LRMDA: variants seen among roughly 807,000 people sequenced by gnomAD.
LRMDA encodes leucine-rich melanocyte differentiation-associated protein.
In LRMDA, 18 loss-of-function variants were observed where a neutral mutation model predicts 29.8. The ratio of observed to expected loss-of-function variants is 0.60; its 90% CI spans 0.42 to 0.90. The LOEUF is 0.90. LRMDA is among the 40% of genes least tolerant of loss of function. The pLI, the probability that LRMDA is intolerant of heterozygous loss-of-function variation, is 0.00. For synonymous variants in LRMDA, 125 were observed against 109.4 expected (o/e 1.14, Z -0.89); for missense variants, 273 against 273.9 (o/e 1.00, Z 0.02).
chr10:76,551,102 C>T (rs1185347429), intron 6 of LRMDA, among the ~76,000 whole-genome samples: 1 of 152,216 alleles, frequency 6.6e-6, no homozygotes, highest in Non-Finnish European at 1.5e-5. Flanking sequence ...ATGTCCCTTC[C>T]CACTGTATGA....
intron 2 of LRMDA, among the ~76,000 whole-genome samples, chr10:75,729,738 A>G (rs1299754204): frequency 6.6e-6 from 1 of 152,180 alleles, no homozygotes; most frequent in Non-Finnish European, 1.5e-5. Context: ...CCCACACCAA[A>G]CAGTGATAGG....
At chr10:76,013,922 C>T (rs895587535) in intron 2 of LRMDA, among the ~76,000 whole-genome samples, 1 of 150,916 alleles carries the variant, frequency 6.6e-6, no homozygotes, top group Admixed American at 6.6e-5. Flanking sequence ...GCTGCTTGAA[C>T]CTTCTCAGCC....
At chr10:76,370,251 A>T (rs1841438547) in intron 6 of LRMDA, among the ~76,000 whole-genome samples, 1 of 152,102 alleles carries the variant, frequency 6.6e-6, no homozygotes, top group South Asian at 2.1e-4. Flanking sequence ...AAAAAAACAA[A>T]ACAAACAAAC....
chr10:76,121,090 C>T (rs1849777729), intron 5 of LRMDA, among the ~76,000 whole-genome samples: 1 of 151,386 alleles, frequency 6.6e-6, no homozygotes, highest in South Asian at 2.1e-4. Context: ...GTATGTGTTC[C>T]TCACACCACC....
chr10:75,844,160 T>A (rs1403589201), intron 2 of LRMDA, among the ~76,000 whole-genome samples: 2 of 152,176 alleles, frequency 1.3e-5, no homozygotes, highest in South Asian at 2.1e-4. Context: ...AGTTAGTAAA[T>A]TTTGACATTA....
intron 2 of LRMDA, among the ~76,000 whole-genome samples, chr10:76,013,684 A>T (rs1027928154): frequency 5.9e-5 from 9 of 152,006 alleles, no homozygotes; most frequent in African/African-American, 2.2e-4. Flanking sequence ...GTGGGGGGGA[A>T]GGCCGAGGAA....
chr10:75,549,804 C>G (rs907819943), intron 2 of LRMDA, among the ~76,000 whole-genome samples: 3 of 152,152 alleles, frequency 2.0e-5, no homozygotes, highest in African/African-American at 7.2e-5. Flanking sequence ...TCTCCTTTCT[C>G]CTTCCTTGGC....
intron 5 of LRMDA, among the ~76,000 whole-genome samples, chr10:76,106,338 A>G (rs1849484149): frequency 6.6e-6 from 1 of 152,228 alleles, no homozygotes; most frequent in Non-Finnish European, 1.5e-5. Context: ...TATGCTTAAC[A>G]GCTTAAAGTC....
At chr10:76,148,633 C>T (rs886947236) in intron 5 of LRMDA, among the ~76,000 whole-genome samples, 1 of 152,160 alleles carries the variant, frequency 6.6e-6, no homozygotes, top group Non-Finnish European at 1.5e-5. Context: ...TGACCCCTTG[C>T]ACTTCCTGGG....
chr10:75,665,014 T>C (rs1841803609), intron 2 of LRMDA, among the ~76,000 whole-genome samples: 1 of 152,210 alleles, frequency 6.6e-6, no homozygotes, highest in East Asian at 1.9e-4. Flanking sequence ...TGACTTTCCC[T>C]GGCCCATCCA....
chr10:76,363,894 G>A (rs1215704855), intron 6 of LRMDA, among the ~76,000 whole-genome samples: 1 of 152,020 alleles, frequency 6.6e-6, no homozygotes, highest in Non-Finnish European at 1.5e-5. Flanking sequence ...TGGAACATAG[G>A]GTATCAGGAT....
At chr10:75,640,867 G>T (rs61226241) in intron 2 of LRMDA, among the ~76,000 whole-genome samples, 1 of 152,190 alleles carries the variant, frequency 6.6e-6, no homozygotes, top group Non-Finnish European at 1.5e-5. Flanking sequence ...GAGTCTGAGT[G>T]GGGGATTCTC....
At chr10:76,495,226 T>G (rs1842870522) in intron 6 of LRMDA, among the ~76,000 whole-genome samples, 1 of 130,936 alleles carries the variant, frequency 7.6e-6, no homozygotes. Flanking sequence ...TTGTTTTGTT[T>G]TGCTGATGAA....
At chr10:76,448,561 C>T (rs1003855633) in intron 6 of LRMDA, among the ~76,000 whole-genome samples, 1 of 151,940 alleles carries the variant, frequency 6.6e-6, no homozygotes, top group Non-Finnish European at 1.5e-5. Flanking sequence ...TGAAAAGTGC[C>T]GTCTGTTGAC....
chr10:76,056,370 C>G (rs1848614410), intron 4 of LRMDA, among the ~76,000 whole-genome samples: 1 of 152,254 alleles, frequency 6.6e-6, no homozygotes, highest in African/African-American at 2.4e-5. Flanking sequence ...AGCCCAGCCC[C>G]TATGCTTTAG....
At chr10:75,549,057 A>G (rs1840112533) in intron 2 of LRMDA, among the ~76,000 whole-genome samples, 1 of 152,150 alleles carries the variant, frequency 6.6e-6, no homozygotes, top group South Asian at 2.1e-4. Context: ...AAATGGAATC[A>G]TACAGTATTC....
chr10:76,145,102 T>G (rs1850287320), intron 5 of LRMDA, among the ~76,000 whole-genome samples: 1 of 152,236 alleles, frequency 6.6e-6, no homozygotes, highest in Non-Finnish European at 1.5e-5. Flanking sequence ...GCCAGTATTT[T>G]ATTGAGAATT....
Position 75,952,232 on chromosome 10 carries a change from C to T in LRMDA, c.132-83776C>T, listed in dbSNP as rs578172982. Among the ~76,000 whole-genome samples the T allele has an allele frequency of 2.6e-5, 4 of 152,228 alleles. No homozygotes were observed. In the South Asian group the frequency reaches 6.2e-4, roughly 24 times the overall value. ...TTTTATTTTCTTTCCTTGGTTTTAC[C>T]ACGGTATGACCTCGTGTTGTATTTT... On this transcript the variant is annotated intron_variant, in intron 2 of 6. Coordinates refer to ENST00000611255, the MANE Select transcript of LRMDA (RefSeq NM_001305581.2).
chr10:76,514,077 T>G (rs1843036029), intron 6 of LRMDA, among the ~76,000 whole-genome samples: 1 of 152,166 alleles, frequency 6.6e-6, no homozygotes, highest in African/African-American at 2.4e-5. Context: ...GGCACAAAGA[T>G]AGGCCCAGGC....
Sources: gnomAD v4.1 joint callset for allele counts (sites outside exome capture counted in the v4.1 genomes callset) on GRCh38, gnomAD v4.1.1 for gene constraint, MANE v1.5 for transcripts, NCBI Gene and HGNC (gene_info 2026-07-23, HGNC 2026-07-21) for gene names.